Variants in ADAMTSL1 observed in about 807,000 individuals in gnomAD.
ADAMTSL1 encodes the protein ADAMTS like 1, also known as ADAMTS-like protein 1.
In ADAMTSL1, 126 loss-of-function variants were observed where a neutral mutation model predicts 201.8. The ratio of observed to expected loss-of-function variants is 0.62; its 90% CI spans 0.54 to 0.72. The LOEUF (loss-of-function observed/expected upper bound fraction) is 0.72. Ranked by LOEUF, ADAMTSL1 falls within the 30% of genes least tolerant of loss-of-function variation. ADAMTSL1 has a pLI of 0.00. For missense variants in ADAMTSL1, 2,679 were observed against 2,277.8 expected (o/e 1.18, Z -3.59); for synonymous variants, 1,121 against 903.4 (o/e 1.24, Z -4.32).
intron 1 of ADAMTSL1, among the ~76,000 whole-genome samples, chr9:18,490,380 G>A (rs1354993283): frequency 6.6e-6 from 1 of 152,086 alleles, no homozygotes; most frequent in East Asian, 1.9e-4. Flanking sequence ...AGAGGAGGCT[G>A]GAGAAAGGGG....
At chr9:18,786,815 A>G (rs1310168967) in intron 19 of ADAMTSL1, among the ~76,000 whole-genome samples, 1 of 152,232 alleles carries the variant, frequency 6.6e-6, no homozygotes, top group Non-Finnish European at 1.5e-5. Flanking sequence ...ATTCTTTGCT[A>G]TCATCTCTGA....
intron 2 of ADAMTSL1, among the ~76,000 whole-genome samples, chr9:18,183,081 T>G (rs1304379876): frequency 6.6e-6 from 1 of 152,218 alleles, no homozygotes; most frequent in East Asian, 1.9e-4. Context: ...CTGCCAAAAG[T>G]GTCCTCCCCA....
intron 2 of ADAMTSL1, among the ~76,000 whole-genome samples, chr9:18,421,014 G>T (rs1818920059): frequency 6.6e-6 from 1 of 152,150 alleles, no homozygotes; most frequent in Non-Finnish European, 1.5e-5. Flanking sequence ...GAAGAATTCA[G>T]ATTGGGCAGA....
intron 26 of ADAMTSL1, among the ~76,000 whole-genome samples, chr9:18,893,260 G>A (rs964231012): frequency 1.3e-5 from 2 of 152,014 alleles, no homozygotes; most frequent in South Asian, 4.1e-4. Context: ...GGCCCTCGAG[G>A]CTTATTGGCA....
chr9:18,513,590 C>T (rs373445831), intron 2 of ADAMTSL1, among the ~76,000 whole-genome samples: 37 of 152,220 alleles, frequency 2.4e-4, no homozygotes, highest in African/African-American at 8.2e-4. Context: ...GGAAGCTTTG[C>T]CCCTGTATTT....
chr9:18,028,197 T>C (rs781250628), intron 1 of ADAMTSL1, among the ~76,000 whole-genome samples: 1 of 152,088 alleles, frequency 6.6e-6, no homozygotes, highest in Non-Finnish European at 1.5e-5. Context: ...TGTCGTGATA[T>C]TGTTAGCTGG....
At chr9:18,322,800 A>T (rs1441126201) in intron 2 of ADAMTSL1, among the ~76,000 whole-genome samples, 1 of 152,232 alleles carries the variant, frequency 6.6e-6, no homozygotes, top group Non-Finnish European at 1.5e-5. Flanking sequence ...CAACAACTTT[A>T]TGCCAATAAA....
chr9:18,322,848 T>C (rs1401352719), intron 2 of ADAMTSL1, among the ~76,000 whole-genome samples: 1 of 152,210 alleles, frequency 6.6e-6, no homozygotes, highest in African/African-American at 2.4e-5. Flanking sequence ...TCAATGCAAC[T>C]TTAAAATGTT....
intron 2 of ADAMTSL1, among the ~76,000 whole-genome samples, chr9:18,213,375 C>A (rs573527466): frequency 1.3e-5 from 2 of 152,252 alleles, no homozygotes; most frequent in South Asian, 4.1e-4. Context: ...CTTCGGAGAA[C>A]AAAACACTGT....
intron 2 of ADAMTSL1, among the ~76,000 whole-genome samples, chr9:18,253,610 C>G (rs1831553611): frequency 6.6e-6 from 1 of 152,182 alleles, no homozygotes; most frequent in African/African-American, 2.4e-5. Context: ...TCTCACTGCT[C>G]TGTGGGCAAA....
At chr9:18,836,780 T>C (rs1177607811) in intron 23 of ADAMTSL1, among the ~76,000 whole-genome samples, 1 of 152,214 alleles carries the variant, frequency 6.6e-6, no homozygotes, top group South Asian at 2.1e-4. Flanking sequence ...TCTTTCAGCA[T>C]TGTGTTTCAT....
chr9:18,708,247 T>C (rs1699379909), intron 14 of ADAMTSL1, among the ~76,000 whole-genome samples: 1 of 152,242 alleles, frequency 6.6e-6, no homozygotes, highest in African/African-American at 2.4e-5. Flanking sequence ...TGAAAAGGAA[T>C]GAATAGTGGA....
intron 2 of ADAMTSL1, among the ~76,000 whole-genome samples, chr9:18,173,489 T>A (rs1827998601): frequency 6.6e-6 from 1 of 152,128 alleles, no homozygotes; most frequent in Non-Finnish European, 1.5e-5. Flanking sequence ...ACCATTATCC[T>A]TTAAGGGAAA....
At chr9:18,000,581 GTGAC>G (rs1316145918) in intron 1 of ADAMTSL1, among the ~76,000 whole-genome samples, 1 of 152,000 alleles carries the variant, frequency 6.6e-6, no homozygotes, top group Non-Finnish European at 1.5e-5. Context: ...GAATTTATAG[GTGAC>G]TTTTAACTTG....
At chr9:17,986,544 C>G (rs1480634947) in intron 1 of ADAMTSL1, among the ~76,000 whole-genome samples, 2 of 152,082 alleles carry the variant, frequency 1.3e-5, no homozygotes, top group African/African-American at 2.4e-5. Context: ...TCCATTTTCT[C>G]TCACCTGCAT....
chr9:18,330,393 G>A (rs1260868423), intron 2 of ADAMTSL1, among the ~76,000 whole-genome samples: 1 of 151,876 alleles, frequency 6.6e-6, no homozygotes, highest in Non-Finnish European at 1.5e-5. Flanking sequence ...CAGTGACACA[G>A]TTGAGGACTG....
chr9:18,766,045 A>T (rs1277604645), intron 16 of ADAMTSL1, among the ~76,000 whole-genome samples: 1 of 150,810 alleles, frequency 6.6e-6, no homozygotes, highest in Non-Finnish European at 1.5e-5. Context: ...TGTTTGAGGA[A>T]CAAAACAACA....
chr9:18,765,103 C>A (rs1246129276), intron 16 of ADAMTSL1, among the ~76,000 whole-genome samples: 1 of 152,192 alleles, frequency 6.6e-6, no homozygotes. Flanking sequence ...TCTAACTGAA[C>A]AGCTTGAATC....
At chr9:18,590,119 T>C (rs1587654860) in intron 4 of ADAMTSL1, among the ~76,000 whole-genome samples, 1 of 152,084 alleles carries the variant, frequency 6.6e-6, no homozygotes, top group East Asian at 1.9e-4. Context: ...TGATTGTTTT[T>C]TTAAATGTTT....
Sources: gnomAD v4.1 joint callset for allele counts (sites outside exome capture counted in the v4.1 genomes callset) on GRCh38, gnomAD v4.1.1 for gene constraint, MANE v1.5 for transcripts, NCBI Gene and HGNC (gene_info 2026-07-23, HGNC 2026-07-21) for gene names.